The following WDR4 variants were observed in gnomAD, a reference collection of about 807,000 sequenced individuals.
The protein encoded by WDR4 is tRNA (guanine-N(7)-)-methyltransferase non-catalytic subunit WDR4.
WDR4 carries 47 observed loss-of-function variants against 48.6 expected under a neutral mutation model. The ratio of observed to expected loss-of-function variants is 0.97; its 90% CI spans 0.77 to 1.23. The LOEUF (loss-of-function observed/expected upper bound fraction) is 1.23, where lower values mean the gene tolerates loss of function less well. WDR4 is among the 50% of genes most tolerant of loss of function. WDR4 has a pLI of 0.00. For synonymous variants in WDR4, 268 were observed against 230.0 expected (o/e 1.17, Z -1.49); for missense variants, 606 against 551.6 (o/e 1.10, Z -0.99).
chr21:42,881,528 T>C (rs2058610887), upstream of WDR4, among the ~76,000 whole-genome samples: 1 of 152,200 alleles, frequency 6.6e-6, no homozygotes. Context: ...AGTTCAGTAG[T>C]TGCCTTTTTC....
chr21:42,859,126 G>A (rs746788030), intron 6 of WDR4, among the ~76,000 whole-genome samples: 19 of 152,098 alleles, frequency 1.2e-4, no homozygotes, highest in Non-Finnish European at 2.6e-4. Context: ...AAAATGCACT[G>A]TGGTAACCCG....
upstream of WDR4, among the ~76,000 whole-genome samples, chr21:42,882,105 G>C (rs2058614152): frequency 6.6e-6 from 1 of 151,838 alleles, no homozygotes; most frequent in African/African-American, 2.4e-5. Flanking sequence ...ATGTTAGTCA[G>C]GCTGGTCTCA....
At chr21:42,844,706 C>A (rs1031700239), downstream of WDR4, among the ~76,000 whole-genome samples, 2 of 152,214 alleles carry the variant, frequency 1.3e-5, no homozygotes, top group East Asian at 3.9e-4. Flanking sequence ...GCCAGCGAGA[C>A]TCACCCAGAA....
chr21:42,845,854 C>T (rs1037209419), downstream of WDR4, among the ~76,000 whole-genome samples: 21 of 152,264 alleles, frequency 1.4e-4, no homozygotes, highest in African/African-American at 4.8e-4. Flanking sequence ...GGGTGCTGGC[C>T]GGGGGCAGTG....
chr21:42,871,719 G>A (rs897469106), intron 3 of WDR4, among the ~76,000 whole-genome samples: 2 of 152,232 alleles, frequency 1.3e-5, no homozygotes, highest in Non-Finnish European at 2.9e-5. Flanking sequence ...GAGCCAGAAG[G>A]TGGGTAAGAA....
At chr21:42,871,990 C>CT (rs35981241) in intron 3 of WDR4, among the ~76,000 whole-genome samples, 36 of 149,152 alleles carry the variant, frequency 2.4e-4, no homozygotes, top group South Asian at 8.5e-4. Context: ...TAGAATTTGG[C>CT]TTTTTTTTTT....
In WDR4 at chr21:42,852,316, A is replaced by G. The variant is rs775924115; in HGVS notation, c.984T>C (p.Pro328=). 1 of 1,614,096 alleles carries G rather than the reference A, an allele frequency of 6.2e-7. No individual in the cohort carries two copies. Among genetic ancestry groups the G allele is most frequent in the South Asian group, 1.1e-5 (1 of 91,054 alleles). ...AGACTTTCTTTAACACGGTGCTCTC[A>G]GGAACAGACTGCAGGCGACAAACAG... ...RPVGDQWQSV[P]ESTVLKKVSG... The change falls in exon 10 of 11, where the codon CCT becomes CCC. Residue 328 remains proline, a synonymous_variant. Transcript: ENST00000398208.
intron 5 of WDR4, among the ~76,000 whole-genome samples, chr21:42,861,713 A>G (rs951876163): frequency 1.3e-5 from 2 of 152,222 alleles, no homozygotes; most frequent in Admixed American, 6.5e-5. Flanking sequence ...TCCTCCCTCC[A>G]ATTTCTTCCA....
chr21:42,890,047 A>T, the WDR4 span, among the ~76,000 whole-genome samples: 1 of 151,554 alleles, frequency 6.6e-6, no homozygotes, highest in Non-Finnish European at 1.5e-5. Context: ...AAGCCACTGC[A>T]CTCCAGCCTG....
chr21:42,867,710 G>A (rs1049565965), intron 3 of WDR4, among the ~76,000 whole-genome samples: 10 of 151,964 alleles, frequency 6.6e-5, no homozygotes, highest in African/African-American at 2.4e-4. Context: ...TAGATGCACT[G>A]CCCACTCTTG....
Position 42,876,715 on chromosome 21 carries a change from G to C in WDR4, c.142C>G (p.Gln48Glu). 9 of 1,613,268 alleles carry C rather than the reference G, an allele frequency of 5.6e-6. No individual in the cohort carries two copies. The highest frequency in any genetic ancestry group is 7.6e-6 in the Non-Finnish European group (9 of 1,179,664). The change falls in exon 2 of 11, where the codon CAA becomes GAA. Residue 48 changes from glutamine to glutamate, a missense_variant. Coordinates refer to ENST00000398208, the MANE Select transcript of WDR4 (RefSeq NM_018669.6). ...YDCSAAEKKS[Q>E]ENKGEDAPLD... is the part of the protein sequence containing the mutation. Reference sequence around the variant, plus strand: ...CCCACATCTCACCCTTTATTTTCTTGTGACTTCTTTTCTGCAGCACTGCAG... The same window carrying C: ...CCCACATCTCACCCTTTATTTTCTTCTGACTTCTTTTCTGCAGCACTGCAG...
chr21:42,886,961 T>C, the WDR4 span: 1 of 152,220 alleles, frequency 6.6e-6, no homozygotes, highest in African/African-American at 2.4e-5. Flanking sequence ...TTCCAACAGG[T>C]GAGCCTTCAT....
chr21:42,874,442 A>T (rs765317309), intron 2 of WDR4, among the ~76,000 whole-genome samples: 1 of 152,222 alleles, frequency 6.6e-6, no homozygotes, highest in Non-Finnish European at 1.5e-5. Context: ...ACAGGATAAC[A>T]GCAATGTTCA....
chr21:42,844,141 TGAA>T (rs757206886), intron 11 of WDR4, among the ~76,000 whole-genome samples: 2 of 151,910 alleles, frequency 1.3e-5, no homozygotes, highest in African/African-American at 4.8e-5. Flanking sequence ...AAACGCAAAC[TGAA>T]GAAGATGAGC....
chr21:42,867,148 TG>T (rs909196642), intron 3 of WDR4, among the ~76,000 whole-genome samples: 1 of 152,170 alleles, frequency 6.6e-6, no homozygotes, highest in Non-Finnish European at 1.5e-5. Context: ...CCTAGAGCTT[TG>T]GGAAGCCAAG....
chr21:42,861,483 C>T (rs1048956280), intron 5 of WDR4, among the ~76,000 whole-genome samples: 1 of 152,068 alleles, frequency 6.6e-6, no homozygotes, highest in African/African-American at 2.4e-5. Context: ...ACCTCCCTCA[C>T]GTGCCTGGCG....
In WDR4 at chr21:42,862,937, A is replaced by T. The variant is rs2058153109; in HGVS notation, c.453+503T>A. 1.3e-5 allele frequency among the ~76,000 whole-genome samples: 2 copies of T among 152,146 alleles called. No homozygotes were observed. Among genetic ancestry groups the T allele is most frequent in the Non-Finnish European group, 2.9e-5 (2 of 68,022 alleles). The stretch of plus-strand genomic sequence containing the variant: ...GGCTCCAGGTGTGTGTCTGTGACAC[A>T]CGGGGCACACAGAGTGGGGTGACAG... On this transcript the variant is annotated intron_variant, in intron 4 of 10. Coordinates refer to ENST00000398208, the MANE Select transcript of WDR4 (RefSeq NM_018669.6). This position sits in a 1 kb window ranked among gnomAD's most constrained non-coding sequence, Gnocchi z 4.3.
chr21:42,865,818 G>T (rs1351814767), intron 3 of WDR4, among the ~76,000 whole-genome samples: 1 of 151,918 alleles, frequency 6.6e-6, no homozygotes, highest in African/African-American at 2.4e-5. Context: ...GCAGAACCTA[G>T]CAAGTAACCA....
At chr21:42,843,451 C>A (rs2057684017) in intron 11 of WDR4, among the ~76,000 whole-genome samples, 1 of 132,612 alleles carries the variant, frequency 7.5e-6, no homozygotes, top group Non-Finnish European at 1.5e-5. Context: ...CACTCTGTCA[C>A]CCAGGCTGGA....
Sources: allele counts gnomAD v4.1 joint callset (sites outside exome capture counted in the v4.1 genomes callset), GRCh38; gene constraint gnomAD v4.1.1; non-coding constraint Gnocchi (gnomAD v3.1); transcripts MANE v1.5; gene names NCBI Gene and HGNC (gene_info 2026-07-23, HGNC 2026-07-21).